Variants in HECW1 observed in about 807,000 individuals in gnomAD.
HECW1 encodes the protein E3 ubiquitin-protein ligase HECW1.
In HECW1, 61 loss-of-function variants were observed where a neutral mutation model predicts 182.3. The observed-to-expected ratio is 0.33, with a 90% confidence interval of 0.27 to 0.41. The LOEUF is 0.41. HECW1 is among the 10% of genes least tolerant of loss of function. The pLI is 1.00. For missense variants in HECW1, 1,739 were observed against 2,108.9 expected (o/e 0.82, Z 3.44); for synonymous variants, 859 against 832.6 (o/e 1.03, Z -0.55).
chr7:43,153,866 C>T (rs139986042), intron 2 of HECW1, among the ~76,000 whole-genome samples: 2 of 152,132 alleles, frequency 1.3e-5, no homozygotes, highest in Non-Finnish European at 2.9e-5. Context: ...TTTATTAGAA[C>T]AAGGCACTTC....
chr7:43,449,301 G>T (rs190289052), intron 11 of HECW1, among the ~76,000 whole-genome samples: 1 of 152,136 alleles, frequency 6.6e-6, no homozygotes, highest in Admixed American at 6.5e-5. Flanking sequence ...CAATGAACTG[G>T]GTGCCGGCAT....
intron 4 of HECW1, among the ~76,000 whole-genome samples, chr7:43,315,650 C>G (rs1809146966): frequency 6.6e-6 from 1 of 152,060 alleles, no homozygotes; most frequent in Non-Finnish European, 1.5e-5. Flanking sequence ...TGCACCACCA[C>G]CCCTGGCTAA....
Position 43,336,102 on chromosome 7 carries a change from T to C in HECW1, c.460+15360T>C, listed in dbSNP as rs545027170. 5.0e-4 allele frequency among the ~76,000 whole-genome samples: 71 copies of C among 142,428 alleles called. 1 individual carries two copies. Among genetic ancestry groups the C allele is most frequent in the African/African-American group, 1.7e-3 (60 of 35,948 alleles). 93.4% of individuals were successfully genotyped at this position (142,428 alleles called of 152,430 possible). A position where few individuals can be genotyped will look rare whatever the true frequency, so the allele number is the denominator to read the frequency against. On this transcript the variant is annotated intron_variant, in intron 5 of 29. Coordinates refer to ENST00000395891, the MANE Select transcript of HECW1 (RefSeq NM_015052.5). ...CTTTCTTTCTTTCTCTTTCTTTCTT[T>C]CTTCTTTCTTTCTTTCTTTCTTTCT...
intron 8 of HECW1, among the ~76,000 whole-genome samples, chr7:43,433,357 A>G (rs1359045972): frequency 6.6e-6 from 1 of 152,214 alleles, no homozygotes; most frequent in Non-Finnish European, 1.5e-5. Context: ...CAGTGGAGTC[A>G]CCTGATAAGC....
chr7:43,323,966 G>T (rs147652523), intron 5 of HECW1, among the ~76,000 whole-genome samples: 8 of 152,104 alleles, frequency 5.3e-5, no homozygotes, highest in Admixed American at 5.2e-4. Flanking sequence ...CCAGGGAGGC[G>T]GAGGTTGCAG....
At chr7:43,297,552 C>T (rs917041680) in intron 3 of HECW1, among the ~76,000 whole-genome samples, 1 of 152,132 alleles carries the variant, frequency 6.6e-6, no homozygotes, top group Non-Finnish European at 1.5e-5. Flanking sequence ...AGGTGGTTGG[C>T]AGGGATGTCC....
chr7:43,479,548 C>T (rs768838386), intron 16 of HECW1, 62 bp from the exon 17 acceptor site: 96 of 1,602,558 alleles, frequency 6.0e-5, no homozygotes, highest in Non-Finnish European at 7.8e-5. Flanking sequence ...CTGTATATTA[C>T]TGACTCCATT....
chr7:43,253,131 A>C (rs1379151964), intron 3 of HECW1, among the ~76,000 whole-genome samples: 2 of 127,278 alleles, frequency 1.6e-5, no homozygotes, highest in Non-Finnish European at 3.4e-5. Flanking sequence ...TCCGCACTTT[A>C]AAAAAAAAAA....
intron 5 of HECW1, among the ~76,000 whole-genome samples, chr7:43,356,235 C>A (rs1815116293): frequency 6.6e-6 from 1 of 151,928 alleles, no homozygotes; most frequent in African/African-American, 2.4e-5. Context: ...CAACTAGAAA[C>A]CATAAAGGGC....
At chr7:43,558,387 A>G (rs1192887451) in intron 29 of HECW1, among the ~76,000 whole-genome samples, 1 of 152,204 alleles carries the variant, frequency 6.6e-6, no homozygotes, top group Non-Finnish European at 1.5e-5. Context: ...TTCACTGCAG[A>G]TGTAAACTAA....
At chr7:43,191,257 A>G (rs1050659246) in intron 2 of HECW1, among the ~76,000 whole-genome samples, 1 of 152,204 alleles carries the variant, frequency 6.6e-6, no homozygotes, top group African/African-American at 2.4e-5. Flanking sequence ...AAGAGGCCAG[A>G]GTTGAGTTTG....
At chr7:43,354,004 A>C (rs2330791) in intron 5 of HECW1, among the ~76,000 whole-genome samples, 95,376 of 151,940 alleles carry the variant, frequency 0.63, 30,242 homozygotes, top group African/African-American at 0.7. Context: ...CCTGGGATAA[A>C]CCTTTTGGGA....
At chr7:43,419,288 G>A (rs1216704999) in intron 8 of HECW1, among the ~76,000 whole-genome samples, 1 of 152,198 alleles carries the variant, frequency 6.6e-6, no homozygotes, top group East Asian at 1.9e-4. Context: ...CCACTGTGAA[G>A]AATTCATTCC....
At chr7:43,285,940 A>G (rs1237720959) in intron 3 of HECW1, among the ~76,000 whole-genome samples, 1 of 152,274 alleles carries the variant, frequency 6.6e-6, no homozygotes, top group African/African-American at 2.4e-5. Context: ...CTAGGAATCC[A>G]AGTTTTGGCA....
At chr7:43,251,076 GC>G in intron 3 of HECW1, among the ~76,000 whole-genome samples, 1 of 152,282 alleles carries the variant, frequency 6.6e-6, no homozygotes, top group Non-Finnish European at 1.5e-5. Context: ...TACTGGATGG[GC>G]CCTGTGGATG....
chr7:43,314,266 G>C (rs1309743654), intron 4 of HECW1, among the ~76,000 whole-genome samples: 1 of 152,240 alleles, frequency 6.6e-6, no homozygotes, highest in Non-Finnish European at 1.5e-5. Flanking sequence ...ACACCTGAGG[G>C]ACGTGCGTCC....
intron 17 of HECW1, among the ~76,000 whole-genome samples, chr7:43,488,390 GGAAGGAAGGAAATGAAA>G (rs2078751478): frequency 4.2e-5 from 2 of 47,188 alleles, no homozygotes; most frequent in African/African-American, 1.3e-4. Flanking sequence ...AAGGAAGGAA[GGAAGGAAGGAAATGAAA>G]GAAAGAGAGA....
At chr7:43,415,586 A>G (rs1235459389) in intron 8 of HECW1, among the ~76,000 whole-genome samples, 1 of 151,390 alleles carries the variant, frequency 6.6e-6, no homozygotes, top group Non-Finnish European at 1.5e-5. Context: ...GCCTTGCTAG[A>G]TTGGGGAAGT....
At chr7:43,342,247 C>G (rs1355343722) in intron 5 of HECW1, among the ~76,000 whole-genome samples, 1 of 151,746 alleles carries the variant, frequency 6.6e-6, no homozygotes, top group African/African-American at 2.4e-5. Flanking sequence ...ATGTTAGATG[C>G]CTCGTCAATG....
Sources: gnomAD v4.1 joint callset for allele counts (sites outside exome capture counted in the v4.1 genomes callset) on GRCh38, gnomAD v4.1.1 for gene constraint, MANE v1.5 for transcripts, NCBI Gene and HGNC (gene_info 2026-07-23, HGNC 2026-07-21) for gene names.